TP63: variants seen among roughly 807,000 people sequenced by gnomAD.
The protein encoded by TP63 is tumor protein p63, also known as tumor protein 63.
Under a neutral mutation model 82.8 loss-of-function variants are expected in TP63, and 17 were observed. The ratio of observed to expected loss-of-function variants is 0.21; its 90% confidence interval spans 0.14 to 0.31. The LOEUF (loss-of-function observed/expected upper bound fraction) is 0.31. Ranked by LOEUF, TP63 falls within the 10% of genes least tolerant of loss-of-function variation. The probability of loss-of-function intolerance (pLI) is 1.00; values close to 1 mark genes in which losing one functional copy is unlikely to be tolerated. For missense variants in TP63, 648 were observed against 895.3 expected (o/e 0.72, Z 3.52); for synonymous variants, 330 against 321.7 (o/e 1.03, Z -0.28).
chr3:189,881,696 G>A (rs536366974), intron 10 of TP63, among the ~76,000 whole-genome samples: 8 of 152,168 alleles, frequency 5.3e-5, no homozygotes, highest in South Asian at 2.1e-4. Flanking sequence ...GTCATCAATC[G>A]TAACAAGGAA....
intron 1 of TP63, among the ~76,000 whole-genome samples, chr3:189,693,023 C>T (rs756011026): frequency 1.2e-4 from 19 of 152,226 alleles, no homozygotes; most frequent in Middle Eastern, 3.4e-3. Flanking sequence ...GCCAGCACCC[C>T]CTCAAACAAA....
At chr3:189,780,527 A>G (rs983948198) in intron 3 of TP63, among the ~76,000 whole-genome samples, 1 of 152,158 alleles carries the variant, frequency 6.6e-6, no homozygotes, top group African/African-American at 2.4e-5. Context: ...TCCTAATTCT[A>G]TGTACACTTC....
intron 3 of TP63, among the ~76,000 whole-genome samples, chr3:189,797,957 TCC>T (rs755298150): frequency 3.9e-5 from 6 of 152,008 alleles, no homozygotes; most frequent in Non-Finnish European, 8.8e-5. Flanking sequence ...GGATAACACT[TCC>T]ATCCTCTGAA....
chr3:189,821,296 C>T (rs1455936684), intron 4 of TP63, among the ~76,000 whole-genome samples: 2 of 152,164 alleles, frequency 1.3e-5, no homozygotes, highest in African/African-American at 4.8e-5. Context: ...ATGTATGTTT[C>T]CCTTGCACTA....
chr3:189,706,957 C>T (rs1718249200), intron 1 of TP63, among the ~76,000 whole-genome samples: 1 of 152,184 alleles, frequency 6.6e-6, no homozygotes. Flanking sequence ...TGCTGTGTAA[C>T]AGGTCTTGAT....
At chr3:189,855,373 A>G (rs1207194491) in intron 4 of TP63, among the ~76,000 whole-genome samples, 1 of 152,166 alleles carries the variant, frequency 6.6e-6, no homozygotes, top group African/African-American at 2.4e-5. Context: ...TTAAAGAAAT[A>G]AAATTCAGAT....
intron 4 of TP63, among the ~76,000 whole-genome samples, chr3:189,837,864 A>G (rs1481752207): frequency 1.3e-5 from 2 of 152,006 alleles, no homozygotes; most frequent in African/African-American, 2.4e-5. Flanking sequence ...GGCTTAAGCA[A>G]TCCTCCCGTC....
chr3:189,752,847 A>C (rs1047537192), intron 3 of TP63, among the ~76,000 whole-genome samples: 1 of 151,922 alleles, frequency 6.6e-6, no homozygotes, highest in Non-Finnish European at 1.5e-5. Context: ...TGATATATTT[A>C]TTTTTTATTT....
intron 4 of TP63, among the ~76,000 whole-genome samples, chr3:189,813,110 A>C (rs184628527): frequency 1.4e-3 from 206 of 152,218 alleles, no homozygotes; most frequent in African/African-American, 4.3e-3. Flanking sequence ...TTGATTTTTG[A>C]CATTCGTTCC....
intron 4 of TP63, among the ~76,000 whole-genome samples, chr3:189,850,296 C>A (rs531967793): frequency 6.6e-6 from 1 of 151,830 alleles, no homozygotes; most frequent in Non-Finnish European, 1.5e-5. Context: ...TACCCCTTCC[C>A]CCACCGCCAC....
intron 3 of TP63, among the ~76,000 whole-genome samples, chr3:189,773,182 G>A (rs1319148639): frequency 6.6e-6 from 1 of 152,078 alleles, no homozygotes; most frequent in African/African-American, 2.4e-5. Flanking sequence ...TACAATGTTT[G>A]GATCTGAAAA....
At chr3:189,663,735 C>T (rs1376134205) in intron 1 of TP63, among the ~76,000 whole-genome samples, 1 of 151,832 alleles carries the variant, frequency 6.6e-6, no homozygotes, top group East Asian at 1.9e-4. Context: ...ACCATCTTGG[C>T]CAGGCTGGTG....
intron 10 of TP63, among the ~76,000 whole-genome samples, chr3:189,883,724 C>T (rs1314872929): frequency 1.3e-5 from 2 of 152,246 alleles, no homozygotes; most frequent in Non-Finnish European, 1.5e-5. Flanking sequence ...CAACATCCTG[C>T]GTCACTAAGT....
chr3:189,815,387 G>A (rs988240225), intron 4 of TP63, among the ~76,000 whole-genome samples: 1 of 152,022 alleles, frequency 6.6e-6, no homozygotes. Flanking sequence ...TAAATGAGCC[G>A]AATGATAAGT....
intron 1 of TP63, among the ~76,000 whole-genome samples, chr3:189,635,080 A>G (rs1378265101): frequency 6.6e-6 from 1 of 152,164 alleles, no homozygotes; most frequent in Non-Finnish European, 1.5e-5. Context: ...CTGAGGGCTA[A>G]GAATTAGAGA....
At chr3:189,688,576 T>C (rs1716630592) in intron 1 of TP63, among the ~76,000 whole-genome samples, 1 of 152,172 alleles carries the variant, frequency 6.6e-6, no homozygotes, top group Non-Finnish European at 1.5e-5. Context: ...TGAGTTCTTA[T>C]CACTGTACCC....
chr3:189,692,504 C>T (rs1047877037), intron 1 of TP63, among the ~76,000 whole-genome samples: 3 of 151,980 alleles, frequency 2.0e-5, no homozygotes, highest in African/African-American at 7.3e-5. Context: ...TGTGGCATAA[C>T]TTACAATTAA....
At chr3:189,864,875 C>A in intron 5 of TP63, among the ~76,000 whole-genome samples, 1 of 151,648 alleles carries the variant, frequency 6.6e-6, no homozygotes, top group East Asian at 1.9e-4. Flanking sequence ...GGCATGGTGG[C>A]GGGCACCTGT....
chr3:189,840,343 C>CA (rs1296286724), intron 4 of TP63, among the ~76,000 whole-genome samples: 1 of 24,962 alleles, frequency 4.0e-5, no homozygotes, highest in East Asian at 1.4e-3. Flanking sequence ...TGAGTTTTTT[C>CA]TTTTTTGCTT....
Sources: gnomAD v4.1 joint callset for allele counts (sites outside exome capture counted in the v4.1 genomes callset) on GRCh38, gnomAD v4.1.1 for gene constraint, MANE v1.5 for transcripts, NCBI Gene and HGNC (gene_info 2026-07-23, HGNC 2026-07-21) for gene names.